The following COG3 variants were observed in gnomAD, a reference collection of about 807,000 sequenced individuals.
COG3 encodes conserved oligomeric Golgi complex subunit 3.
In COG3, 32 loss-of-function variants were observed where a neutral mutation model predicts 114.1. The ratio of observed to expected loss-of-function variants is 0.28; its 90% CI spans 0.21 to 0.38. The LOEUF (loss-of-function observed/expected upper bound fraction) is 0.38. Among genes scored for constraint, COG3 ranks in the 10% least tolerant of loss-of-function variants. COG3 has a pLI of 1.00. For synonymous variants in COG3, 352 were observed against 365.7 expected (o/e 0.96, Z 0.43); for missense variants, 813 against 973.2 (o/e 0.84, Z 2.19).
chr13:45,480,432 T>C, intron 4 of COG3, 142 bp downstream of exon 4: 1 of 582,736 alleles, frequency 1.7e-6, no homozygotes, highest in Non-Finnish European at 2.9e-6. Flanking sequence ...ATGCAGATTG[T>C]TACACTGACA....
intron 14 of COG3, among the ~76,000 whole-genome samples, chr13:45,504,843 A>G (rs1869950841): frequency 6.6e-6 from 1 of 152,172 alleles, no homozygotes; most frequent in Non-Finnish European, 1.5e-5. Context: ...TGAATGTGCC[A>G]TAATTGTGTA....
chr13:45,490,992 G>A (rs368372550), intron 9 of COG3, 34 bp downstream of exon 9: 45 of 1,437,942 alleles, frequency 3.1e-5, no homozygotes, highest in Non-Finnish European at 4.4e-5. Context: ...ATTTCCACAT[G>A]AACCTTTGTC....
At chr13:45,484,173 T>C (rs1039798777) in intron 7 of COG3, among the ~76,000 whole-genome samples, 9 of 152,252 alleles carry the variant, frequency 5.9e-5, no homozygotes, top group Admixed American at 1.3e-4. Flanking sequence ...AAGCTTGTGA[T>C]GTTTGGCTTG....
At chr13:45,477,915 C>CT (rs1885983818) in intron 2 of COG3, among the ~76,000 whole-genome samples, 1 of 152,000 alleles carries the variant, frequency 6.6e-6, no homozygotes, top group African/African-American at 2.4e-5. Flanking sequence ...CGTGAGCTAC[C>CT]ATTCCCGGCC....
intron 16 of COG3, among the ~76,000 whole-genome samples, chr13:45,513,491 C>T (rs7984428): frequency 3.7e-5 from 1 of 27,136 alleles, no homozygotes; most frequent in Non-Finnish European, 7.4e-5. Flanking sequence ...ATAATATATA[C>T]ATATAAATTA....
intron 1 of COG3, among the ~76,000 whole-genome samples, chr13:45,469,379 C>T (rs2137770153): frequency 6.6e-6 from 1 of 152,230 alleles, no homozygotes; most frequent in East Asian, 1.9e-4. Context: ...CCCTGGATCC[C>T]TTTGAAATGA....
At position 45,525,003 on chromosome 13, in the gene COG3, C is replaced by G. The variant is rs1338108938; in HGVS notation, c.2182C>G (p.Gln728Glu). 3.1e-6 allele frequency: 5 copies of G among 1,613,776 alleles called. No individual in the cohort carries two copies. The highest frequency in any genetic ancestry group is 4.2e-6 in the Non-Finnish European group (5 of 1,179,814). ...KVSALKTMAS[Q>E]GGPKYTLSQQ... ...TTCAGCGTTAAAAACAATGGCCAGT[C>G]AGGGAGGCCCCAAGTATACTCTCTC... The change falls in exon 20 of 23, where the codon CAG becomes GAG. Residue 728 changes from glutamine (Q) to glutamate (E), a missense_variant. By Grantham distance (29) the Gln-to-Glu change is conservative (BLOSUM62 2). This residue lies in a region of COG3 where 389 missense variants were observed against 542.6 expected (regional missense o/e 0.72). Coordinates refer to ENST00000349995, the MANE Select transcript of COG3 (RefSeq NM_031431.4).
intron 14 of COG3, among the ~76,000 whole-genome samples, chr13:45,504,484 C>G (rs1436634762): frequency 6.6e-6 from 1 of 152,180 alleles, no homozygotes; most frequent in Non-Finnish European, 1.5e-5. Flanking sequence ...CTAAAGCCTA[C>G]TTTTTAACCC....
chr13:45,492,908 G>C (rs892176043), intron 11 of COG3, among the ~76,000 whole-genome samples: 1 of 152,114 alleles, frequency 6.6e-6, no homozygotes, highest in African/African-American at 2.4e-5. Context: ...AAAGTACTTT[G>C]AATTTTGTTT....
intron 7 of COG3, 76 bp downstream of exon 7, chr13:45,483,431 C>A: frequency 1.6e-6 from 2 of 1,261,022 alleles, no homozygotes; most frequent in Non-Finnish European, 2.1e-6. Flanking sequence ...TAATCTTTGG[C>A]TGAGATTAGT....
At chr13:45,514,520 C>T (rs944583190) in intron 16 of COG3, among the ~76,000 whole-genome samples, 1 of 152,126 alleles carries the variant, frequency 6.6e-6, no homozygotes, top group African/African-American at 2.4e-5. Context: ...TTTTGCCCTC[C>T]TTATCTGTAG....
Position 45,525,002 on chromosome 13 carries a change from T to C in COG3, c.2181T>C (p.Ser727=). The change falls in exon 20 of 23, where the codon AGT becomes AGC. Residue 727 remains serine, a synonymous_variant. Coordinates refer to ENST00000349995, the MANE Select transcript of COG3 (RefSeq NM_031431.4). ...TKVSALKTMA[S]QGGPKYTLSQ... ...TTTCAGCGTTAAAAACAATGGCCAG[T>C]CAGGGAGGCCCCAAGTATACTCTCT... The C allele has an allele frequency of 6.2e-7, 1 of 1,613,894 alleles. No homozygotes were observed.
chr13:45,465,323 C>G, intron 1 of COG3, 113 bp downstream of exon 1: 1 of 1,432,418 alleles, frequency 7.0e-7, no homozygotes, highest in Non-Finnish European at 9.2e-7. Context: ...TCCACTCCTC[C>G]CTGGCCATGG....
chr13:45,487,772 T>C (rs374582341), intron 8 of COG3, among the ~76,000 whole-genome samples: 60 of 152,344 alleles, frequency 3.9e-4, no homozygotes, highest in African/African-American at 1.4e-3. Flanking sequence ...GAAATTCTTA[T>C]ACACTGTTGA....
Position 45,535,940 on chromosome 13 carries a change from A to G in COG3, c.*1209A>G, listed in dbSNP as rs1006232432. The stretch of plus-strand genomic sequence containing the variant: ...AGGTGGACATTGTCAGGGGTTCTGG[A>G]ATGGGACCAGGGGACCTTTTGGTGC... On this transcript the variant is annotated 3_prime_UTR_variant, in exon 23 of 23. Coordinates refer to ENST00000349995, the MANE Select transcript of COG3 (RefSeq NM_031431.4). 6.3e-6 allele frequency: 6 copies of G among 954,634 alleles called. No individual in the cohort carries two copies. The African/African-American group carries it at 1.1e-4, about 17-fold the overall frequency. The allele number at this position is 954,634 out of a possible 1,614,324, so 59.1% of individuals were successfully genotyped here. A position where few individuals can be genotyped will look rare whatever the true frequency, so the allele number is the denominator to read the frequency against.
chr13:45,465,351 G>A, intron 1 of COG3, 141 bp downstream of exon 1: 1 of 1,340,842 alleles, frequency 7.5e-7, no homozygotes, highest in Non-Finnish European at 9.8e-7. Flanking sequence ...TCCGGTGGGA[G>A]GGGCCTCATC....
chr13:45,483,219 T>C lies in COG3; in HGVS notation c.718-11T>C. 1 of 1,576,576 alleles carries C rather than the reference T, an allele frequency of 6.3e-7. No individual in the cohort carries two copies. ...ATTTCCACTTTGTAAATCTTTCTCTTTTCCTTACAGCCTAATTTTAAAGAT... is the reference window on the plus strand; with the variant it reads ...ATTTCCACTTTGTAAATCTTTCTCTCTTCCTTACAGCCTAATTTTAAAGAT... On this transcript the variant is annotated splice_polypyrimidine_tract_variant and intron_variant, in intron 6 of 22. Transcript: ENST00000349995.
chr13:45,482,980 G>A (rs1216916718), intron 6 of COG3, among the ~76,000 whole-genome samples: 1 of 152,154 alleles, frequency 6.6e-6, no homozygotes, highest in African/African-American at 2.4e-5. Flanking sequence ...AGTCTGTGGG[G>A]TGCTGAAAAT....
chr13:45,500,023 A>T (rs923058188), intron 13 of COG3, among the ~76,000 whole-genome samples: 9 of 129,126 alleles, frequency 7.0e-5, no homozygotes, highest in East Asian at 2.0e-4. Context: ...GCCTTAAAAA[A>T]AAATATATAT....
Sources: gnomAD v4.1 joint callset for allele counts (sites outside exome capture counted in the v4.1 genomes callset) on GRCh38, gnomAD v4.1.1 for gene constraint, gnomAD v4.1.1 regional missense constraint, MANE v1.5 for transcripts, NCBI Gene and HGNC (gene_info 2026-07-23, HGNC 2026-07-21) for gene names.